MYLK: variants seen among roughly 807,000 people sequenced by gnomAD.
The protein encoded by MYLK is myosin light chain kinase.
MYLK carries 106 observed loss-of-function variants against 203.4 expected under a neutral mutation model. The observed-to-expected ratio is 0.52, with a 90% CI of 0.45 to 0.61. The LOEUF (loss-of-function observed/expected upper bound fraction) is 0.61, where lower values mean the gene tolerates loss of function less well. Among genes scored for constraint, MYLK ranks in the 20% least tolerant of loss-of-function variants. The pLI, the probability that MYLK is intolerant of heterozygous loss-of-function variation, is 0.00. For synonymous variants in MYLK, 867 were observed against 959.5 expected (o/e 0.90, Z 1.78); for missense variants, 2,072 against 2,442.3 (o/e 0.85, Z 3.20).
intron 4 of MYLK, among the ~76,000 whole-genome samples, chr3:123,770,446 G>A (rs1003847496): frequency 6.6e-6 from 1 of 152,206 alleles, no homozygotes; most frequent in African/African-American, 2.4e-5. Context: ...GAAAGGAGCC[G>A]AGCATGAGTC....
rs573395965 is a variant in MYLK at position 123,772,153 on chromosome 3, C to T, written c.166-19615G>A. Among the ~76,000 whole-genome samples the T allele has an allele frequency of 1.1e-4, 17 of 152,120 alleles. No individual in the cohort carries two copies. The East Asian group carries it at 1.7e-3, about 16-fold the overall frequency. On this transcript the variant is annotated intron_variant, in intron 4 of 33. Transcript: ENST00000360304. ...GTTTCAAAACTTTCTAAACAACATA[C>T]GAGAAGTCTTGGATATATAAAGAGA... is the stretch of plus-strand genomic sequence containing the variant.
Position 123,739,975 on chromosome 3 carries a change from G to C in MYLK, c.400C>G (p.Pro134Ala), listed in dbSNP as rs2062808147. ...EGSFAKQLGQ[P>A]VVSKTLGDRF... ...TACCCTAAGGTTTTGGAAACAACAG[G>C]CTGACCAAGCTGCTTCGCAAAACTT... Residue 134 changes from proline to alanine, a missense_variant, in exon 6 of 34, where the codon CCT (proline) becomes GCT (alanine). Coordinates refer to ENST00000360304, the MANE Select transcript of MYLK (RefSeq NM_053025.4). 6 of 1,613,940 alleles carry C rather than the reference G, an allele frequency of 3.7e-6. No individual in the cohort carries two copies. Among genetic ancestry groups the C allele is most frequent in the African/African-American group, 2.7e-5 (2 of 75,036 alleles).
intron 33 of MYLK, chr3:123,617,337 G>A (rs1482915527): frequency 6.6e-6 from 1 of 152,156 alleles, no homozygotes; most frequent in East Asian, 1.9e-4. Flanking sequence ...AGACCCAAAT[G>A]CAATGGTAAT....
chr3:123,790,567 T>G (rs1164396060), intron 4 of MYLK, among the ~76,000 whole-genome samples: 9 of 152,096 alleles, frequency 5.9e-5, no homozygotes, highest in Admixed American at 5.9e-4. Context: ...CCCAAGTCAC[T>G]AGATAGAAAG....
chr3:123,725,954 C>T lies in MYLK; in HGVS notation c.1641G>A (p.Trp547Ter), dbSNP rs1212539612. The stretch of plus-strand genomic sequence containing the variant: ...GCAGGGGGAACTCACCATTCAGCAG[C>T]CAAGTGATCCGGGGCACTGGGGTCC... ...VRGTPVPRIT[W>*]LLNGQPIQYA... The change falls in exon 12 of 34, where the codon TGG becomes TGA. Residue 547 changes from tryptophan (W) to a stop codon, truncating the protein, a stop_gained. Transcript: ENST00000360304. LOFTEE classifies it high-confidence loss of function. The T allele has an allele frequency of 6.2e-7, 1 of 1,613,926 alleles. No individual in the cohort carries two copies. The highest frequency in any genetic ancestry group is 1.6e-4 in the Middle Eastern group (1 of 6,062).
At chr3:123,668,695 C>T (rs1369668935) in intron 20 of MYLK, among the ~76,000 whole-genome samples, 3 of 152,186 alleles carry the variant, frequency 2.0e-5, no homozygotes, top group African/African-American at 7.2e-5. Context: ...AAAGCCACTT[C>T]ACCAGTGAGA....
intron 4 of MYLK, among the ~76,000 whole-genome samples, chr3:123,766,703 T>G (rs997547210): frequency 2.6e-5 from 4 of 152,264 alleles, no homozygotes; most frequent in African/African-American, 4.8e-5. Flanking sequence ...AAACAGCTCT[T>G]GCTGAACCAG....
At position 123,612,899 on chromosome 3, in the gene MYLK, C is replaced by T. The variant is rs1483752478; in HGVS notation, c.*1206G>A. ...CATCAATTATGGTCTTTGTTTATGA[C>T]CTTCAAAAAGCTTTATAAAGAAAAA... On this transcript the variant is annotated 3_prime_UTR_variant, in exon 34 of 34. Coordinates refer to ENST00000360304, the MANE Select transcript of MYLK (RefSeq NM_053025.4). 1.3e-5 allele frequency: 2 copies of T among 149,234 alleles called. No homozygotes were observed. Among genetic ancestry groups the T allele is most frequent in the Non-Finnish European group, 2.9e-5 (2 of 68,002 alleles). 9.2% of individuals were successfully genotyped at this position (149,234 alleles called of 1,614,324 possible). A position where few individuals can be genotyped will look rare whatever the true frequency, so the allele number is the denominator to read the frequency against.
chr3:123,696,494 G>C (rs2060931754), intron 18 of MYLK, among the ~76,000 whole-genome samples: 3 of 151,800 alleles, frequency 2.0e-5, no homozygotes, highest in Admixed American at 1.3e-4. Flanking sequence ...TCCCCTAGAA[G>C]CCTCCTCCAA....
intron 23 of MYLK, among the ~76,000 whole-genome samples, chr3:123,658,919 C>A (rs760615066): frequency 3.9e-5 from 6 of 152,328 alleles, no homozygotes; most frequent in South Asian, 2.1e-4. Context: ...AAACTGTCTA[C>A]CCCAATAACC....
intron 2 of MYLK, among the ~76,000 whole-genome samples, chr3:123,845,346 G>A (rs533731621): frequency 6.6e-6 from 1 of 152,314 alleles, no homozygotes; most frequent in South Asian, 2.1e-4. Context: ...GATGAGACAT[G>A]CAGGACACAA....
chr3:123,850,637 G>T (rs1030464834), intron 2 of MYLK, among the ~76,000 whole-genome samples: 1 of 152,154 alleles, frequency 6.6e-6, no homozygotes, highest in African/African-American at 2.4e-5. Flanking sequence ...GTAGATTCTG[G>T]ATATTAGCCC....
chr3:123,653,201 C>G (rs2059275406), intron 24 of MYLK, among the ~76,000 whole-genome samples: 1 of 152,068 alleles, frequency 6.6e-6, no homozygotes, highest in Admixed American at 6.5e-5. Flanking sequence ...ACAGAAATGA[C>G]CTACAATGAC....
rs2059114874 is a variant in MYLK, at chr3:123,648,938, G to C, written c.4415+33C>G. On this transcript the variant is annotated intron_variant, in intron 26 of 33. Transcript: ENST00000360304. The surrounding 1 kb of genome is among the most constrained non-coding windows in gnomAD (Gnocchi z 4.5). ...GTGAGACCCGCACCACCCTCACCCT[G>C]GGAGCCCAGAGGCAACTTCCCACTC... 6.3e-7 allele frequency: 1 copy of C among 1,589,240 alleles called. No homozygotes were observed. The highest frequency in any genetic ancestry group is 1.7e-5 in the Admixed American group (1 of 59,956).
At chr3:123,797,621 G>C (rs1045953487) in intron 3 of MYLK, among the ~76,000 whole-genome samples, 2 of 152,162 alleles carry the variant, frequency 1.3e-5, no homozygotes, top group African/African-American at 2.4e-5. Flanking sequence ...GTGGGGACAG[G>C]TATCATGAGG....
intron 16 of MYLK, among the ~76,000 whole-genome samples, chr3:123,707,116 T>A (rs1359382463): frequency 6.6e-6 from 1 of 152,006 alleles, no homozygotes. Flanking sequence ...AAAAAGACAC[T>A]CAAGCAGCCC....
At chr3:123,806,071 C>T (rs2065355266) in intron 3 of MYLK, among the ~76,000 whole-genome samples, 1 of 125,562 alleles carries the variant, frequency 8.0e-6, no homozygotes, top group Non-Finnish European at 2.0e-5. Context: ...ATTATTAATT[C>T]ATGCTTTTAT....
At chr3:123,725,552 T>C (rs2062249129) in intron 12 of MYLK, among the ~76,000 whole-genome samples, 2 of 152,246 alleles carry the variant, frequency 1.3e-5, no homozygotes, top group Non-Finnish European at 2.9e-5. Flanking sequence ...CATTTATTTG[T>C]TCATTTATTG....
chr3:123,855,966 C>T (rs377203996), intron 2 of MYLK, among the ~76,000 whole-genome samples: 1 of 152,286 alleles, frequency 6.6e-6, no homozygotes, highest in Non-Finnish European at 1.5e-5. Flanking sequence ...CGAGTGTAAA[C>T]ATTTCAGGTA....
Sources: gnomAD v4.1 joint callset for allele counts (sites outside exome capture counted in the v4.1 genomes callset) on GRCh38, gnomAD v4.1.1 for gene constraint, Gnocchi (gnomAD v3.1) non-coding constraint, MANE v1.5 for transcripts, NCBI Gene and HGNC (gene_info 2026-07-23, HGNC 2026-07-21) for gene names.